The following RAB26 variants were observed in gnomAD, a reference collection of about 807,000 sequenced individuals.
RAB26 encodes RAB26, member RAS oncogene family.
RAB26 carries 39 observed loss-of-function variants against 33.1 expected under a neutral mutation model. That is an observed-to-expected ratio of 1.18 (90% CI 0.91 to 1.54). The LOEUF is 1.54. Ranked by LOEUF, RAB26 falls within the 40% of genes most tolerant of loss-of-function variation. The pLI is 0.00. For synonymous variants in RAB26, 192 were observed against 151.9 expected, an observed-to-expected ratio of 1.26 and a Z score of -1.94; for missense variants, 468 against 362.9, an observed-to-expected ratio of 1.29 and a Z score of -2.35.
rs540266411 is a variant in RAB26, at chr16:2,148,942, T to C, written c.159T>C (p.Leu53=). ...NGPLQPGRPS[L]GGGVDFYDVA... is the part of the protein sequence containing the mutation. ...CCTTGCAGCCCGGCCGGCCCTCGCT[T>C]GGCGGCGGTGTCGACTTCTACGACG... The change falls in exon 1 of 9, where the codon CTT becomes CTC. Residue 53 remains leucine, a synonymous_variant. Coordinates refer to ENST00000210187, the MANE Select transcript of RAB26 (RefSeq NM_014353.5). 130 of 1,290,046 alleles carry C rather than the reference T, an allele frequency of 1.0e-4. No homozygotes were observed. The highest frequency in any genetic ancestry group is 9.8e-4 in the South Asian group (38 of 38,950). 79.9% of individuals were successfully genotyped at this position (1,290,046 alleles called of 1,614,324 possible).
Position 2,150,564 on chromosome 16 carries a change from A to C in RAB26, c.306+513A>C, listed in dbSNP as rs192639529. Among the ~76,000 whole-genome samples the C allele has an allele frequency of 1.3e-4, 19 of 148,134 alleles. No homozygotes were observed. The East Asian group carries it at 2.4e-3, about 19-fold the overall frequency. ...TTTTTCTCACCCTTTAATTAGAGCCAGTTAGAGGGAGGATGGAGGAAGGGC... is the reference window on the plus strand; with the variant it reads ...TTTTTCTCACCCTTTAATTAGAGCCCGTTAGAGGGAGGATGGAGGAAGGGC... On this transcript the variant is annotated intron_variant, in intron 2 of 8. Coordinates refer to ENST00000210187, the MANE Select transcript of RAB26 (RefSeq NM_014353.5).
At position 2,151,772 on chromosome 16, in the gene RAB26, G is replaced by A; in HGVS notation, c.415+11G>A. 6.2e-7 allele frequency: 1 copy of A among 1,613,932 alleles called. No homozygotes were observed. Among genetic ancestry groups the A allele is most frequent in the Admixed American group, 1.7e-5 (1 of 60,024 alleles). On this transcript the variant is annotated intron_variant, in intron 4 of 8. Coordinates refer to ENST00000210187, the MANE Select transcript of RAB26 (RefSeq NM_014353.5). ...ACCGGGATGCTCATGGTGAGCCCCTGGGTACCTGGGCTGGTTGGGGCGGGG... is the reference window on the plus strand; with the variant it reads ...ACCGGGATGCTCATGGTGAGCCCCTAGGTACCTGGGCTGGTTGGGGCGGGG...
At position 2,148,818 on chromosome 16, in the gene RAB26, C is replaced by T; in HGVS notation, c.35C>T (p.Ala12Val). 2.1e-6 allele frequency: 3 copies of T among 1,414,272 alleles called. No individual in the cohort carries two copies. Among genetic ancestry groups the T allele is most frequent in the South Asian group, 1.6e-5 (1 of 63,962 alleles). 87.6% of individuals were successfully genotyped at this position (1,414,272 alleles called of 1,614,324 possible). The change falls in exon 1 of 9, where the codon GCC (alanine) becomes GTC (valine). Residue 12 changes from alanine (A) to valine (V), a missense_variant. By Grantham distance (64) the Ala-to-Val change is moderately conservative. Transcript: ENST00000210187. ...SRKKTPKSKG[A>V]STPAASTLPT... ...AAGAAGACCCCCAAGAGCAAAGGGG[C>T]CAGCACCCCCGCTGCCTCCACGCTG... is the stretch of plus-strand genomic sequence containing the variant.
chr16:2,153,093 A>G (rs2093011505), intron 7 of RAB26, 48 bp downstream of exon 7: 2 of 1,613,030 alleles, frequency 1.2e-6, no homozygotes, highest in African/African-American at 2.7e-5. Flanking sequence ...GGAGGCTGCG[A>G]GCCTAGGCTG....
rs1162700805 is a variant in RAB26, at chr16:2,148,862, C to T, written c.79C>T (p.Arg27Ter). 2 of 1,406,470 alleles carry T rather than the reference C, an allele frequency of 1.4e-6. No homozygotes were observed. The highest frequency in any genetic ancestry group is 1.9e-6 in the Non-Finnish European group (2 of 1,078,366). 87.1% of individuals were successfully genotyped at this position (1,406,470 alleles called of 1,614,324 possible). Residue 27 changes from arginine (R) to a stop codon, truncating the protein, a stop_gained, in exon 1 of 9, where the codon CGA (arginine) becomes TGA (stop). Coordinates refer to ENST00000210187, the MANE Select transcript of RAB26 (RefSeq NM_014353.5). LOFTEE classifies it high-confidence loss of function. The part of the protein sequence containing the change: ...ASTLPTANGA[R>*]PARSGTALSG... ...CACGCTGCCCACCGCCAACGGGGCC[C>T]GACCGGCGCGCTCCGGGACTGCGCT...
At chr16:2,150,968 G>T (rs938969788) in intron 2 of RAB26, among the ~76,000 whole-genome samples, 2 of 152,232 alleles carry the variant, frequency 1.3e-5, no homozygotes, top group Non-Finnish European at 2.9e-5. Context: ...ACTGGGGCTA[G>T]ACCACTCCCT....
In RAB26 at chr16:2,153,729, G is replaced by C; in HGVS notation, c.*308G>C. On this transcript the variant is annotated 3_prime_UTR_variant, in exon 9 of 9. Coordinates refer to ENST00000210187, the MANE Select transcript of RAB26 (RefSeq NM_014353.5). ...CTCCTGGGCACGTCCAGGTGAGGGA[G>C]GGCTGGGGCTGGCACCACGCACAGT... 1 of 566,972 alleles carries C rather than the reference G, an allele frequency of 1.8e-6. No homozygotes were observed. The highest frequency in any genetic ancestry group is 3.3e-6 in the Non-Finnish European group (1 of 299,510). 35.1% of individuals were successfully genotyped at this position (566,972 alleles called of 1,614,324 possible). A position where few individuals can be genotyped will look rare whatever the true frequency, so the allele number is the denominator to read the frequency against.
At chr16:2,150,565 G>C (rs2093001689) in intron 2 of RAB26, among the ~76,000 whole-genome samples, 1 of 148,650 alleles carries the variant, frequency 6.7e-6, no homozygotes, top group Non-Finnish European at 1.5e-5. Flanking sequence ...ATTAGAGCCA[G>C]TTAGAGGGAG....
At chr16:2,151,546 C>G in intron 2 of RAB26, 23 bp from the exon 3 acceptor site, 1 of 1,613,398 alleles carries the variant, frequency 6.2e-7, no homozygotes, top group Non-Finnish European at 8.5e-7. Context: ...CATGCCAGAG[C>G]TGCCTGGTTC....
chr16:2,150,736 C>T (rs567597975), intron 2 of RAB26, among the ~76,000 whole-genome samples: 6 of 152,332 alleles, frequency 3.9e-5, no homozygotes, highest in Admixed American at 2.0e-4. Flanking sequence ...TCTTGGCTCT[C>T]GGGCAGGTGG....
Position 2,153,356 on chromosome 16 carries a change from C to T in RAB26, c.706C>T (p.Pro236Ser). ...KQRSMKAPSE[P>S]RFRLHDYVKR... ...GCGCTCCATGAAGGCTCCCAGCGAG[C>T]CGCGCTTCCGGCTGCATGATTACGT... Residue 236 changes from proline (P) to serine (S), a missense_variant, in exon 9 of 9, where the codon CCG becomes TCG. Coordinates refer to ENST00000210187, the MANE Select transcript of RAB26 (RefSeq NM_014353.5). The T allele has an allele frequency of 6.2e-7, 1 of 1,613,508 alleles. No homozygotes were observed. Among genetic ancestry groups the T allele is most frequent in the Non-Finnish European group, 8.5e-7 (1 of 1,180,022 alleles).
rs1255874594 is a variant in RAB26 at position 2,150,205 on chromosome 16, C to T, written c.306+154C>T. ...CAACACCTGGGCTGGTGGCTGCACC[C>T]GACAAGCATAGTTAGTTGCCCTATG... On this transcript the variant is annotated intron_variant, in intron 2 of 8. Transcript: ENST00000210187. 2.0e-5 allele frequency: 13 copies of T among 638,582 alleles called. No individual in the cohort carries two copies. In the African/African-American group the frequency reaches 2.3e-4, roughly 11 times the overall value. The allele number at this position is 638,582 out of a possible 1,614,324, so 39.6% of individuals were successfully genotyped here. A position where few individuals can be genotyped will look rare whatever the true frequency, so the allele number is the denominator to read the frequency against.
rs1567238477 is a variant in RAB26 at position 2,148,647 on chromosome 16, GAT to G, written c.-136_-135del. 3.0e-6 allele frequency: 2 copies of G among 664,726 alleles called. No homozygotes were observed. The highest frequency in any genetic ancestry group is 1.2e-4 in the East Asian group (1 of 8,574). 41.2% of individuals were successfully genotyped at this position (664,726 alleles called of 1,614,324 possible). A position where few individuals can be genotyped will look rare whatever the true frequency, so the allele number is the denominator to read the frequency against. On this transcript the variant is annotated 5_prime_UTR_variant, in exon 1 of 9. It removes an upstream start codon present in the reference 5' UTR. Coordinates refer to ENST00000210187, the MANE Select transcript of RAB26 (RefSeq NM_014353.5). ...GGGGCGCGAGCCGGGCGCCCGGGATGATGCCGCCGCCGCCGCCGCCGCCGCCG... is the reference window on the plus strand; with the variant it reads ...GGGGCGCGAGCCGGGCGCCCGGGATGGCCGCCGCCGCCGCCGCCGCCGCCG...
At chr16:2,153,281 C>G (rs762905592) in intron 8 of RAB26, 38 bp from the exon 9 acceptor site, 7 of 1,612,318 alleles carry the variant, frequency 4.3e-6, no homozygotes, top group Non-Finnish European at 5.9e-6. Flanking sequence ...TCATTAGAGT[C>G]CAGGCCATCG....
chr16:2,149,227 C>T lies in RAB26; in HGVS notation c.195+249C>T, dbSNP rs183084137. 5.3e-5 allele frequency among the ~76,000 whole-genome samples: 8 copies of T among 152,226 alleles called. No individual in the cohort carries two copies. The East Asian group carries it at 7.7e-4, about 15-fold the overall frequency. ...GCATGGTGGCACAAGGGGTCCCGCG[C>T]CCCAGTGCCCTGGCCCCCGCCCGGG... On this transcript the variant is annotated intron_variant, in intron 1 of 8. Coordinates refer to ENST00000210187, the MANE Select transcript of RAB26 (RefSeq NM_014353.5).
rs1261886641 is a variant in RAB26 at position 2,151,582 on chromosome 16, A to G, written c.320A>G (p.Asp107Gly). 2 of 1,613,904 alleles carry G rather than the reference A, an allele frequency of 1.2e-6. 1 individual carries two copies. The highest frequency in any genetic ancestry group is 3.3e-5 in the Admixed American group (2 of 60,026). ...VGIDFRNKVLDVDGVKVKLQM... is the reference protein window; with the variant it reads ...VGIDFRNKVLGVDGVKVKLQM... The stretch of plus-strand genomic sequence containing the variant: ...TGTCTGTTTCAGAACAAAGTTCTGG[A>G]CGTGGATGGTGTGAAGGTGAAGCTG... The change falls in exon 3 of 9, where the codon GAC becomes GGC. Residue 107 changes from aspartate to glycine, a missense_variant. Coordinates refer to ENST00000210187, the MANE Select transcript of RAB26 (RefSeq NM_014353.5).
At position 2,153,209 on chromosome 16, in the gene RAB26, A is replaced by G; in HGVS notation, c.655A>G (p.Thr219Ala). The G allele has an allele frequency of 6.2e-7, 1 of 1,613,748 alleles. No homozygotes were observed. The highest frequency in any genetic ancestry group is 8.5e-7 in the Non-Finnish European group (1 of 1,179,998). Residue 219 changes from threonine to alanine, a missense_variant, in exon 8 of 9, where the codon ACA becomes GCA. Physicochemically the swap from Thr to Ala is moderately conservative, Grantham distance 58. Coordinates refer to ENST00000210187, the MANE Select transcript of RAB26 (RefSeq NM_014353.5). ...GGGCCTCAACGTGGACTTGGCCTTC[A>G]CAGCCATAGCAAAGTAAGTCCTGCC... ...KTGLNVDLAFTAIAKELKQRS... is the reference protein window; with the variant it reads ...KTGLNVDLAFAAIAKELKQRS...
At chr16:2,151,490 G>C (rs936769562) in intron 2 of RAB26, 79 bp from the exon 3 acceptor site, 1 of 1,602,324 alleles carries the variant, frequency 6.2e-7, no homozygotes, top group Non-Finnish European at 8.5e-7. Flanking sequence ...GGTCTCAGGG[G>C]ACAGGAAGGC....
intron 1 of RAB26, 75 bp from the exon 2 acceptor site, chr16:2,149,866 C>G: frequency 8.3e-7 from 1 of 1,209,360 alleles, no homozygotes; most frequent in Non-Finnish European, 1.1e-6. Context: ...ACTCCTGCTC[C>G]TCACCTGCAG....
Sources: gnomAD v4.1 joint callset for allele counts (sites outside exome capture counted in the v4.1 genomes callset) on GRCh38, gnomAD v4.1.1 for gene constraint, MANE v1.5 for transcripts, NCBI Gene and HGNC (gene_info 2026-07-23, HGNC 2026-07-21) for gene names.